Variants in PLEKHG4B observed in about 807,000 individuals in gnomAD.
PLEKHG4B encodes pleckstrin homology and RhoGEF domain containing G4B.
Under a neutral mutation model 121.3 loss-of-function variants are expected in PLEKHG4B, and 111 were observed. That is an observed-to-expected ratio of 0.92 (90% CI 0.78 to 1.07). The LOEUF (loss-of-function observed/expected upper bound fraction) is 1.07, where lower values mean the gene tolerates loss of function less well. Among genes scored for constraint, PLEKHG4B ranks in the 50% least tolerant of loss-of-function variants. The pLI is 0.00. For synonymous variants in PLEKHG4B, 738 were observed against 725.0 expected (o/e 1.02, Z -0.29); for missense variants, 1,831 against 1,757.8 (o/e 1.04, Z -0.74).
chr5:181,511 TAGAACTC>T lies in PLEKHG4B; in HGVS notation c.4405_4411del (p.Leu1469SerfsTer9), dbSNP rs1359902687. On this transcript the variant is annotated splice_acceptor_variant and coding_sequence_variant, in exon 19 of 20. Transcript: ENST00000637938. LOFTEE classifies it high-confidence loss of function. ...GAAACTGTCATACTTTCTTCTGTCT[TAGAACTC>T]AGAATCCAAGAAATGGCATCCATGG... 9.9e-6 allele frequency: 16 copies of T among 1,613,426 alleles called. No individual in the cohort carries two copies. Among genetic ancestry groups the T allele is most frequent in the Non-Finnish European group, 1.4e-5 (16 of 1,179,704 alleles).
At chr5:128,997 G>A (rs111548338) in intron 2 of PLEKHG4B, among the ~76,000 whole-genome samples, 23 of 152,292 alleles carry the variant, frequency 1.5e-4, no homozygotes, top group South Asian at 4.1e-4. Flanking sequence ...AACAGATTCC[G>A]TAGCAATAAG....
At chr5:92,783 C>T (rs1204299392) in intron 1 of PLEKHG4B, among the ~76,000 whole-genome samples, 2 of 152,042 alleles carry the variant, frequency 1.3e-5, no homozygotes, top group Non-Finnish European at 2.9e-5. Flanking sequence ...CTAAGTTACT[C>T]TTCAGCTCAA....
rs557638314 is a variant in PLEKHG4B at position 167,570 on chromosome 5, C to T, written c.3477-1770C>T. ...CTGTTCATTAGGGCAGGGCCCCCGG[C>T]TCACCATGGCCCTGGGAAATCTCCT... On this transcript the variant is annotated intron_variant, in intron 13 of 19. Coordinates refer to ENST00000637938, the MANE Select transcript of PLEKHG4B (RefSeq NM_052909.5). Among the ~76,000 whole-genome samples, 184 of 151,806 alleles carry T rather than the reference C, an allele frequency of 1.2e-3. 1 individual carries two copies. The highest frequency in any genetic ancestry group is 9.8e-3 in the South Asian group (47 of 4,802).
intron 1 of PLEKHG4B, among the ~76,000 whole-genome samples, chr5:110,984 C>G (rs1734140903): frequency 6.6e-6 from 1 of 152,274 alleles, no homozygotes. Context: ...GCCCCGAGGC[C>G]TGGACACAGC....
rs377406921 is a variant in PLEKHG4B, at chr5:163,196, G to T, written c.3124G>T (p.Gly1042Cys). The stretch of plus-strand genomic sequence containing the variant: ...GTGGGACCCACTGTCCCTCCTCAGG[G>T]GCCTTCCAGGGGCAGGGGCCACCAC... The part of the protein sequence containing the change: ...ALWDPLSLLR[G>C]LPGAGATTAH... The change falls in exon 13 of 20, where the codon GGC (glycine) becomes TGC (cysteine). Residue 1042 changes from glycine (G) to cysteine (C), a missense_variant. Gly to Cys is a radical substitution (Grantham distance 159). Coordinates refer to ENST00000637938, the MANE Select transcript of PLEKHG4B (RefSeq NM_052909.5). 1.3e-5 allele frequency: 21 copies of T among 1,586,458 alleles called. No individual in the cohort carries two copies. The highest frequency in any genetic ancestry group is 1.8e-5 in the Non-Finnish European group (21 of 1,167,362).
chr5:126,201 C>T (rs985270816), intron 2 of PLEKHG4B, among the ~76,000 whole-genome samples: 1 of 152,132 alleles, frequency 6.6e-6, no homozygotes, highest in Admixed American at 6.5e-5. Flanking sequence ...TTTTACTCTC[C>T]TTCTGGAACT....
In PLEKHG4B at chr5:181,506, T is replaced by C. The variant is rs1560959110; in HGVS notation, c.4403-8T>C. ...CTTTGGAAACTGTCATACTTTCTTCTGTCTTAGAACTCAGAATCCAAGAAA... is the reference window on the plus strand; with the variant it reads ...CTTTGGAAACTGTCATACTTTCTTCCGTCTTAGAACTCAGAATCCAAGAAA... On this transcript the variant is annotated splice_region_variant and splice_polypyrimidine_tract_variant and intron_variant, in intron 18 of 19. Transcript: ENST00000637938. 9 of 1,611,794 alleles carry C rather than the reference T, an allele frequency of 5.6e-6. No homozygotes were observed. Among genetic ancestry groups the C allele is most frequent in the Middle Eastern group, 1.7e-4 (1 of 6,028 alleles).
chr5:183,738 CA>C lies in PLEKHG4B; in HGVS notation c.*1421del. Reference sequence around the variant, plus strand: ...GGCGACAGAGCAAGACTCTGTCTCACAAAAAAGGTTAAGAAATGACTTAATG... The same window carrying C: ...GGCGACAGAGCAAGACTCTGTCTCACAAAAAGGTTAAGAAATGACTTAATG... On this transcript the variant is annotated 3_prime_UTR_variant, in exon 20 of 20. Transcript: ENST00000637938. 6.6e-6 allele frequency: 1 copy of C among 152,018 alleles called. No individual in the cohort carries two copies. Among genetic ancestry groups the C allele is most frequent in the Non-Finnish European group, 1.5e-5 (1 of 67,998 alleles). 9.4% of individuals were successfully genotyped at this position (152,018 alleles called of 1,614,324 possible). A position where few individuals can be genotyped will look rare whatever the true frequency, so the allele number is the denominator to read the frequency against.
At chr5:145,254 C>G (rs926041256) in intron 6 of PLEKHG4B, among the ~76,000 whole-genome samples, 1 of 152,228 alleles carries the variant, frequency 6.6e-6, no homozygotes, top group Non-Finnish European at 1.5e-5. Context: ...GGCAGCGCAG[C>G]CCCATCCCTG....
chr5:175,983 C>T (rs1156760724), intron 18 of PLEKHG4B, among the ~76,000 whole-genome samples: 6 of 111,238 alleles, frequency 5.4e-5, no homozygotes, highest in East Asian at 2.3e-4. Flanking sequence ...CAGGCAGACA[C>T]GACCAGGGCT....
rs181509441 is a variant in PLEKHG4B at position 142,930 on chromosome 5, A to C, written c.1478-117A>C. 547 of 982,198 alleles carry C rather than the reference A, an allele frequency of 5.6e-4. No individual in the cohort carries two copies. In the African/African-American group the frequency reaches 7.7e-3, roughly 14 times the overall value. The allele number at this position is 982,198 out of a possible 1,614,324, so 60.8% of individuals were successfully genotyped here. ...TGTGAACTGGGACAAGTTTTCTCGG[A>C]ACCCCCTACTTTCATGCGTGTTTTT... On this transcript the variant is annotated intron_variant, in intron 3 of 19. Transcript: ENST00000637938.
intron 1 of PLEKHG4B, among the ~76,000 whole-genome samples, chr5:100,862 G>A (rs1289703102): frequency 2.9e-4 from 32 of 110,546 alleles, no homozygotes; most frequent in African/African-American, 6.1e-4. Context: ...TCCATATAAA[G>A]CCCTGGAAAA....
intron 8 of PLEKHG4B, 141 bp downstream of exon 8, chr5:155,132 T>A: frequency 1.1e-6 from 1 of 880,246 alleles, no homozygotes; most frequent in Non-Finnish European, 1.8e-6. Context: ...TCTTCGTGTC[T>A]ACACAACCAC....
At chr5:172,753 A>T in intron 16 of PLEKHG4B, 144 bp from the exon 17 acceptor site, 1 of 837,904 alleles carries the variant, frequency 1.2e-6, no homozygotes, top group Non-Finnish European at 2.0e-6. Flanking sequence ...AGCTAACATT[A>T]AGGCGGATTT....
At chr5:126,720 T>C (rs1270878721) in intron 2 of PLEKHG4B, among the ~76,000 whole-genome samples, 1 of 152,164 alleles carries the variant, frequency 6.6e-6, no homozygotes, top group African/African-American at 2.4e-5. Flanking sequence ...CCGGGGTTCA[T>C]CATCTCACAC....
intron 4 of PLEKHG4B, 23 bp from the exon 5 acceptor site, chr5:143,357 C>T (rs747782266): frequency 1.8e-5 from 29 of 1,609,070 alleles, no homozygotes; most frequent in East Asian, 4.5e-5. Context: ...CCCTTGGCAG[C>T]TGCCCTGTCT....
In PLEKHG4B at chr5:159,900, T is replaced by A. The variant is rs1249766839; in HGVS notation, c.2488-1883T>A. ...TCTCCTCAGGCCCTGCCACTCCCGC[T>A]TCCTTCCCGGCCTCCAGGTTTGTGC... On this transcript the variant is annotated intron_variant, in intron 11 of 19. Transcript: ENST00000637938. The surrounding 1 kb of genome is among the most constrained non-coding windows in gnomAD (Gnocchi z 5.5). Among the ~76,000 whole-genome samples the A allele has an allele frequency of 6.6e-6, 1 of 152,062 alleles. No homozygotes were observed. Among genetic ancestry groups the A allele is most frequent in the Non-Finnish European group, 1.5e-5 (1 of 68,006 alleles).
At chr5:101,708 G>A (rs1455492895) in intron 1 of PLEKHG4B, among the ~76,000 whole-genome samples, 1 of 134,100 alleles carries the variant, frequency 7.5e-6, no homozygotes, top group South Asian at 2.4e-4. Context: ...TCCATATAAA[G>A]CCCTGGAAAA....
intron 13 of PLEKHG4B, among the ~76,000 whole-genome samples, chr5:164,350 C>T (rs866883060): frequency 1.5e-4 from 23 of 152,190 alleles, no homozygotes; most frequent in African/African-American, 5.1e-4. Context: ...CGTGCTTCTC[C>T]GAGACTCTAA....
Sources: allele counts gnomAD v4.1 joint callset (sites outside exome capture counted in the v4.1 genomes callset), GRCh38; gene constraint gnomAD v4.1.1; non-coding constraint Gnocchi (gnomAD v3.1); transcripts MANE v1.5; gene names NCBI Gene and HGNC (gene_info 2026-07-23, HGNC 2026-07-21).